The following ASIC2 variants were observed in gnomAD, a reference collection of about 807,000 sequenced individuals.
ASIC2 encodes acid sensing ion channel subunit 2.
In ASIC2, 25 loss-of-function variants were observed where a neutral mutation model predicts 57.3. That is an observed-to-expected ratio of 0.44 (90% CI 0.32 to 0.61). The LOEUF is 0.61. Among genes scored for constraint, ASIC2 ranks in the 20% least tolerant of loss-of-function variants. The pLI, the probability that ASIC2 is intolerant of heterozygous loss-of-function variation, is 0.06. For missense variants in ASIC2, 641 were observed against 738.1 expected (o/e 0.87, Z 1.52); for synonymous variants, 319 against 307.5 (o/e 1.04, Z -0.39).
chr17:33,767,175 T>C (rs1029952477), intron 1 of ASIC2, among the ~76,000 whole-genome samples: 3 of 152,246 alleles, frequency 2.0e-5, no homozygotes, highest in Non-Finnish European at 2.9e-5. Flanking sequence ...TGCCTCATTG[T>C]GCAAGGCATA....
intron 6 of ASIC2, 143 bp from the exon 7 acceptor site, chr17:33,021,453 G>T: frequency 1.5e-6 from 1 of 671,092 alleles, no homozygotes; most frequent in African/African-American, 1.9e-5. Flanking sequence ...GCTGGTTAGT[G>T]GCAGAGCTGC....
intron 1 of ASIC2, among the ~76,000 whole-genome samples, chr17:33,932,140 C>G (rs537104350): frequency 6.6e-6 from 1 of 152,206 alleles, no homozygotes; most frequent in East Asian, 1.9e-4. Flanking sequence ...CTTTCTCCCT[C>G]TCTCTCCCTT....
chr17:33,633,619 C>T (rs886276471), intron 1 of ASIC2, among the ~76,000 whole-genome samples: 6 of 152,120 alleles, frequency 3.9e-5, no homozygotes, highest in Admixed American at 2.6e-4. Context: ...GCAGTATGTC[C>T]GGCAAAAAAC....
chr17:33,473,453 C>G (rs757281549), intron 1 of ASIC2, among the ~76,000 whole-genome samples: 12 of 152,188 alleles, frequency 7.9e-5, no homozygotes, highest in Non-Finnish European at 1.6e-4. Flanking sequence ...ACCCCCTGAG[C>G]CAAGAAATGC....
intron 1 of ASIC2, among the ~76,000 whole-genome samples, chr17:33,502,383 G>A (rs111804171): frequency 6.6e-6 from 1 of 152,182 alleles, no homozygotes; most frequent in East Asian, 1.9e-4. Flanking sequence ...CTGGGCAGAT[G>A]TGGAGCAATT....
intron 1 of ASIC2, among the ~76,000 whole-genome samples, chr17:33,531,229 C>G (rs575235808): frequency 3.0e-4 from 45 of 152,166 alleles, no homozygotes; most frequent in Admixed American, 4.6e-4. Flanking sequence ...TCATAGAACT[C>G]CTGGCAGAAC....
intron 1 of ASIC2, among the ~76,000 whole-genome samples, chr17:33,617,196 T>G (rs1278770688): frequency 3.3e-5 from 5 of 152,164 alleles, no homozygotes; most frequent in African/African-American, 1.2e-4. Flanking sequence ...TGTTCTACCA[T>G]AAAGACACAT....
chr17:34,029,961 G>A (rs1440413393), intron 1 of ASIC2, among the ~76,000 whole-genome samples: 1 of 152,168 alleles, frequency 6.6e-6, no homozygotes, highest in Non-Finnish European at 1.5e-5. Flanking sequence ...ATTCACATAA[G>A]TAGTAATAAG....
chr17:33,739,640 T>C (rs938288946), intron 1 of ASIC2, among the ~76,000 whole-genome samples: 5 of 152,152 alleles, frequency 3.3e-5, no homozygotes, highest in Non-Finnish European at 7.3e-5. Flanking sequence ...TGAGAGCTCC[T>C]GAGAAGTATC....
At chr17:33,419,746 C>T (rs1342888115) in intron 1 of ASIC2, among the ~76,000 whole-genome samples, 4 of 152,108 alleles carry the variant, frequency 2.6e-5, no homozygotes, top group Non-Finnish European at 5.9e-5. Flanking sequence ...ACTTAAATTT[C>T]CATCAGTAGA....
intron 1 of ASIC2, among the ~76,000 whole-genome samples, chr17:33,359,901 T>C (rs919155836): frequency 2.0e-5 from 3 of 152,204 alleles, no homozygotes; most frequent in South Asian, 4.1e-4. Context: ...GAAGCAGCCA[T>C]GAAGCAGTCT....
At chr17:33,317,694 A>G (rs551673671) in intron 1 of ASIC2, among the ~76,000 whole-genome samples, 1 of 152,344 alleles carries the variant, frequency 6.6e-6, no homozygotes, top group South Asian at 2.1e-4. Flanking sequence ...ACAATCTAGT[A>G]GGGAGATAAA....
At chr17:33,300,587 A>G (rs1477183847) in intron 1 of ASIC2, among the ~76,000 whole-genome samples, 2 of 152,204 alleles carry the variant, frequency 1.3e-5, no homozygotes, top group African/African-American at 2.4e-5. Flanking sequence ...GAAGTGCATT[A>G]TGTTGTGTAT....
At chr17:34,063,808 T>C (rs1909059385) in intron 1 of ASIC2, among the ~76,000 whole-genome samples, 2 of 151,990 alleles carry the variant, frequency 1.3e-5, no homozygotes, top group Non-Finnish European at 2.9e-5. Flanking sequence ...CTTAGGAACA[T>C]ACCTAACAAA....
At chr17:33,131,419 A>C (rs931174552) in intron 1 of ASIC2, among the ~76,000 whole-genome samples, 2 of 152,116 alleles carry the variant, frequency 1.3e-5, no homozygotes, top group African/African-American at 4.8e-5. Context: ...TCATATTGCT[A>C]GGACAGTCTG....
chr17:34,030,301 AT>A, intron 1 of ASIC2, among the ~76,000 whole-genome samples: 1 of 152,358 alleles, frequency 6.6e-6, no homozygotes, highest in East Asian at 1.9e-4. Flanking sequence ...CCATACTTTC[AT>A]TGATCCATAA....
At chr17:33,668,272 CTTTTTTTT>C (rs397856474) in intron 1 of ASIC2, among the ~76,000 whole-genome samples, 1 of 61,388 alleles carries the variant, frequency 1.6e-5, no homozygotes, top group Non-Finnish European at 3.8e-5. Flanking sequence ...ATCAAATGTT[CTTTTTTTT>C]TTTTTTTTTT....
At chr17:33,584,697 G>C (rs1013770657) in intron 1 of ASIC2, among the ~76,000 whole-genome samples, 195 of 136,794 alleles carry the variant, frequency 1.4e-3, no homozygotes, top group African/African-American at 5.4e-3. Context: ...ATCTTGGGGT[G>C]GGGTTTGATG....
chr17:34,007,851 C>T (rs968306477), intron 1 of ASIC2, among the ~76,000 whole-genome samples: 15 of 152,296 alleles, frequency 9.8e-5, no homozygotes, highest in African/African-American at 3.1e-4. Flanking sequence ...TTACAGTTGC[C>T]TAATGGTAAT....
Sources: allele counts gnomAD v4.1 joint callset (sites outside exome capture counted in the v4.1 genomes callset), GRCh38; gene constraint gnomAD v4.1.1; transcripts MANE v1.5; gene names NCBI Gene and HGNC (gene_info 2026-07-23, HGNC 2026-07-21).